PHF20: variants seen among roughly 807,000 people sequenced by gnomAD.
PHF20 encodes PHD finger protein 20.
In PHF20, 23 loss-of-function variants were observed where a neutral mutation model predicts 113.5. That is an observed-to-expected ratio of 0.20 (90% CI 0.15 to 0.29). The LOEUF (loss-of-function observed/expected upper bound fraction) is 0.29, where lower values mean the gene tolerates loss of function less well. Among genes scored for constraint, PHF20 ranks in the 10% least tolerant of loss-of-function variants. PHF20 has a pLI of 1.00. For missense variants in PHF20, 943 were observed against 1,219.6 expected (o/e 0.77, Z 3.38); for synonymous variants, 434 against 457.3 (o/e 0.95, Z 0.65).
intron 13 of PHF20, 115 bp downstream of exon 13, chr20:35,917,777 C>T (rs894559346): frequency 4.8e-6 from 4 of 828,098 alleles, no homozygotes; most frequent in East Asian, 2.6e-5. Flanking sequence ...ACAGCACGAA[C>T]GGCAGCAGAC....
At chr20:35,855,532 G>T (rs2042811279) in intron 4 of PHF20, 1 of 153,412 alleles carries the variant, frequency 6.5e-6, no homozygotes, top group African/African-American at 2.4e-5. Context: ...TACATAAGTG[G>T]GTGTATGTAT....
At chr20:35,808,569 ATTTATT>A (rs2041923634) in intron 2 of PHF20, among the ~76,000 whole-genome samples, 2 of 148,698 alleles carry the variant, frequency 1.3e-5, no homozygotes, top group Admixed American at 6.8e-5. Flanking sequence ...TCATTTATTT[ATTTATT>A]TTTATTTTTA....
In PHF20 at chr20:35,892,224, ATTT is replaced by A. The variant is rs780490898; in HGVS notation, c.1283-7126_1283-7124del. 4.4e-3 allele frequency among the ~76,000 whole-genome samples: 453 copies of A among 102,514 alleles called. 2 individuals are homozygous for A. The highest frequency in any genetic ancestry group is 0.044 in the Middle Eastern group (6 of 136). 67.3% of individuals were successfully genotyped at this position (102,514 alleles called of 152,430 possible). A position where few individuals can be genotyped will look rare whatever the true frequency, so the allele number is the denominator to read the frequency against. On this transcript the variant is annotated intron_variant, in intron 9 of 17. Coordinates refer to ENST00000374012, the MANE Select transcript of PHF20 (RefSeq NM_016436.5). ...AGGCATGCACCACCACGCCTGGCTG[ATTT>A]TTTTTTTTTTTTTTTTTTTGTATTT...
intron 12 of PHF20, among the ~76,000 whole-genome samples, chr20:35,915,522 G>A (rs1339821754): frequency 2.6e-5 from 4 of 151,794 alleles, no homozygotes. Context: ...AAGTTGCTGG[G>A]ATTACAGGTG....
intron 2 of PHF20, among the ~76,000 whole-genome samples, chr20:35,839,407 A>AAAAAG (rs1555792090): frequency 3.5e-4 from 52 of 150,488 alleles, no homozygotes; most frequent in Non-Finnish European, 1.9e-4. Flanking sequence ...AAAAAAAAAA[A>AAAAAG]AAAAGAAAGT....
At chr20:35,833,050 C>CA (rs56997481) in intron 2 of PHF20, among the ~76,000 whole-genome samples, 4,152 of 69,394 alleles carry the variant, frequency 0.06, 142 homozygotes, top group South Asian at 0.2. Flanking sequence ...GACTCCATCT[C>CA]AAAAAAAAAA....
At chr20:35,810,298 A>G (rs376977231) in intron 2 of PHF20, among the ~76,000 whole-genome samples, 1 of 151,776 alleles carries the variant, frequency 6.6e-6, no homozygotes, top group African/African-American at 2.4e-5. Flanking sequence ...TGGATTGAGA[A>G]CCTCTCTTCC....
In PHF20 at chr20:35,939,003, C is replaced by A. The variant is rs776727741; in HGVS notation, c.2607C>A (p.Asn869Lys). The A allele has an allele frequency of 6.8e-6, 11 of 1,614,052 alleles. No individual in the cohort carries two copies. In the African/African-American group the frequency reaches 8.0e-5, roughly 12 times the overall value. ...GCTCTGCCCTCGACGATGCGGTCAA[C>A]CCCCTCCATGAGAACGGCGATGATT... ...TRGSALDDAV[N>K]PLHENGDDSL... Residue 869 changes from asparagine (N) to lysine (K), a missense_variant, in exon 16 of 18, where the codon AAC (asparagine) becomes AAA (lysine). Transcript: ENST00000374012.
intron 10 of PHF20, among the ~76,000 whole-genome samples, chr20:35,908,080 A>G (rs961528826): frequency 5.3e-5 from 8 of 152,230 alleles, no homozygotes; most frequent in Admixed American, 3.3e-4. Flanking sequence ...TGGTGGAGCC[A>G]TGATTTGAAT....
At chr20:35,772,550 C>G (rs2041083343) in intron 1 of PHF20, among the ~76,000 whole-genome samples, 1 of 152,066 alleles carries the variant, frequency 6.6e-6, no homozygotes, top group Admixed American at 6.6e-5. Context: ...TTCTCAAGAC[C>G]CCAAATATGG....
At chr20:35,885,143 AT>A in intron 9 of PHF20, among the ~76,000 whole-genome samples, 1 of 152,208 alleles carries the variant, frequency 6.6e-6, no homozygotes, top group Non-Finnish European at 1.5e-5. Flanking sequence ...CCTCTCCCAG[AT>A]TTTTTAATGT....
chr20:35,842,435 C>A, intron 2 of PHF20, 138 bp from the exon 3 acceptor site: 1 of 675,968 alleles, frequency 1.5e-6, no homozygotes, highest in Non-Finnish European at 2.5e-6. Context: ...TGTGATTTGA[C>A]CCAACTACAC....
chr20:35,862,759 AAT>A (rs1286372467), intron 5 of PHF20, among the ~76,000 whole-genome samples: 1 of 152,030 alleles, frequency 6.6e-6, no homozygotes, highest in East Asian at 1.9e-4. Flanking sequence ...AAAAACCCAG[AAT>A]TTTATTTTCT....
chr20:35,863,482 A>G lies in PHF20; in HGVS notation c.808+82A>G. The G allele has an allele frequency of 2.3e-6, 3 of 1,329,222 alleles. No homozygotes were observed. The Admixed American group carries it at 7.1e-5, about 31-fold the overall frequency. 82.3% of individuals were successfully genotyped at this position (1,329,222 alleles called of 1,614,324 possible). ...CTTTGTGGTTCTTTGTAACTTGTGTACGTCAATCGTTTATTTTTGTGACTG... is the reference window on the plus strand; with the variant it reads ...CTTTGTGGTTCTTTGTAACTTGTGTGCGTCAATCGTTTATTTTTGTGACTG... On this transcript the variant is annotated intron_variant, in intron 6 of 17. Coordinates refer to ENST00000374012, the MANE Select transcript of PHF20 (RefSeq NM_016436.5).
intron 1 of PHF20, among the ~76,000 whole-genome samples, chr20:35,786,742 G>A (rs2041426311): frequency 6.6e-6 from 1 of 152,154 alleles, no homozygotes; most frequent in Admixed American, 6.6e-5. Flanking sequence ...CTCAGAGAGT[G>A]TAGAGTATTG....
At chr20:35,829,264 G>A (rs2042316250) in intron 2 of PHF20, among the ~76,000 whole-genome samples, 2 of 152,094 alleles carry the variant, frequency 1.3e-5, no homozygotes, top group South Asian at 4.1e-4. Context: ...ATCATTTTTA[G>A]GTGTGCAGTA....
chr20:35,886,720 G>C (rs2054740591), intron 9 of PHF20, among the ~76,000 whole-genome samples: 1 of 152,134 alleles, frequency 6.6e-6, no homozygotes. Context: ...AGTCATTTGT[G>C]GCAGGAATTG....
At chr20:35,849,563 G>A in intron 4 of PHF20, 1 of 467,650 alleles carries the variant, frequency 2.1e-6, no homozygotes, top group Non-Finnish European at 4.4e-6. Flanking sequence ...TTTCAAAAAT[G>A]ATTAGGTTTG....
At chr20:35,878,678 G>A (rs2054573877) in intron 9 of PHF20, 3 of 788,702 alleles carry the variant, frequency 3.8e-6, no homozygotes, top group Non-Finnish European at 7.0e-6. Flanking sequence ...TGTTGTAGGA[G>A]CAATGACTGT....
Sources: gnomAD v4.1 joint callset for allele counts (sites outside exome capture counted in the v4.1 genomes callset) on GRCh38, gnomAD v4.1.1 for gene constraint, MANE v1.5 for transcripts, NCBI Gene and HGNC (gene_info 2026-07-23, HGNC 2026-07-21) for gene names.